Variants in ZFAT observed in about 807,000 individuals in gnomAD.
ZFAT encodes the protein zinc finger and AT-hook domain containing.
In ZFAT, 64 loss-of-function variants were observed where a neutral mutation model predicts 117.7. The observed-to-expected ratio is 0.54, with a 90% CI of 0.44 to 0.67. ZFAT has a LOEUF of 0.67. Among genes scored for constraint, ZFAT ranks in the 30% least tolerant of loss-of-function variants. The pLI is 0.00. For synonymous variants in ZFAT, 679 were observed against 615.0 expected (o/e 1.10, Z -1.54); for missense variants, 1,433 against 1,584.5 (o/e 0.90, Z 1.62).
rs1374810412 is a variant in ZFAT at position 134,478,829 on chromosome 8, C to G, written c.3493-108G>C. 4.9e-6 allele frequency: 7 copies of G among 1,438,510 alleles called. No individual in the cohort carries two copies. In the Admixed American group the frequency reaches 8.5e-5, roughly 17 times the overall value. The allele number at this position is 1,438,510 out of a possible 1,614,324, so 89.1% of individuals were successfully genotyped here. ...GAGGCACCAGTGCGCTGCGGGAGCA[C>G]GTCCATTCTCCACGGATCCTCTCTA... On this transcript the variant is annotated intron_variant, in intron 15 of 15. Coordinates refer to ENST00000377838, the MANE Select transcript of ZFAT (RefSeq NM_020863.4). This position sits in a 1 kb window ranked among gnomAD's most constrained non-coding sequence, Gnocchi z 5.2.
chr8:134,660,026 C>A (rs762258069), intron 1 of ZFAT, among the ~76,000 whole-genome samples: 3 of 152,178 alleles, frequency 2.0e-5, no homozygotes, highest in Non-Finnish European at 2.9e-5. Context: ...TTCCAGGAAA[C>A]GTTCTATTCC....
chr8:134,616,460 G>A (rs1828741946), intron 3 of ZFAT, among the ~76,000 whole-genome samples: 1 of 152,114 alleles, frequency 6.6e-6, no homozygotes, highest in Non-Finnish European at 1.5e-5. Flanking sequence ...ATGCCTCGAG[G>A]ACCCGACCTA....
At chr8:134,523,562 T>G (rs1321196794) in intron 12 of ZFAT, among the ~76,000 whole-genome samples, 3 of 152,206 alleles carry the variant, frequency 2.0e-5, no homozygotes, top group African/African-American at 7.2e-5. Context: ...CAACATGGTC[T>G]TTCGAAAACA....
intron 15 of ZFAT, among the ~76,000 whole-genome samples, chr8:134,508,209 C>T (rs1819553638): frequency 6.6e-6 from 1 of 152,180 alleles, no homozygotes; most frequent in Non-Finnish European, 1.5e-5. Context: ...CCTGAATGTA[C>T]TTACTAATTC....
chr8:134,812,495 C>T, the ZFAT span, among the ~76,000 whole-genome samples: 18 of 152,334 alleles, frequency 1.2e-4, no homozygotes, highest in Non-Finnish European at 2.1e-4. Flanking sequence ...CTTTGGGAGG[C>T]CAAGGCGGGC....
intron 7 of ZFAT, chr8:134,598,412 A>G (rs1170985388): frequency 6.6e-6 from 1 of 152,242 alleles, no homozygotes; most frequent in East Asian, 1.9e-4. Context: ...GAAGGAAGAT[A>G]ACCATAGAAA....
intron 11 of ZFAT, among the ~76,000 whole-genome samples, chr8:134,541,355 G>A (rs578036413): frequency 2.8e-4 from 42 of 152,240 alleles, no homozygotes; most frequent in Non-Finnish European, 4.4e-4. Flanking sequence ...ACTAGTACAC[G>A]AACACGCTCA....
At chr8:134,565,474 G>T in intron 10 of ZFAT, 53 bp from the exon 11 acceptor site, 1 of 1,525,470 alleles carries the variant, frequency 6.6e-7, no homozygotes, top group Non-Finnish European at 9.0e-7. Context: ...AGCTCCCACT[G>T]TGAATGAAGT....
Position 134,565,386 on chromosome 8 carries a change from C to A in ZFAT, c.2923G>T (p.Ala975Ser), listed in dbSNP as rs1824366256. ...QFKCTVCDYT[A>S]AQKPQLLRHM... Reference sequence around the variant, plus strand: ...CGCAGCAGCTGTGGCTTCTGGGCCGCTGTGTAGTCACACACCGTGCACTTA... The same window carrying A: ...CGCAGCAGCTGTGGCTTCTGGGCCGATGTGTAGTCACACACCGTGCACTTA... The change falls in exon 11 of 16, where the codon GCG (alanine) becomes TCG (serine). Residue 975 changes from alanine (A) to serine (S), a missense_variant. Ala to Ser is a moderately conservative substitution (Grantham distance 99). Around this residue, in one of 5 missense-constraint regions of ZFAT, gnomAD observed 503 missense variants for 543.4 expected, o/e 0.93. Coordinates refer to ENST00000377838, the MANE Select transcript of ZFAT (RefSeq NM_020863.4). The A allele has an allele frequency of 2.5e-6, 4 of 1,613,810 alleles. No individual in the cohort carries two copies. In the Admixed American group the frequency reaches 6.7e-5, roughly 27 times the overall value.
At chr8:134,616,890 A>C (rs550853681) in intron 3 of ZFAT, among the ~76,000 whole-genome samples, 1 of 152,342 alleles carries the variant, frequency 6.6e-6, no homozygotes, top group South Asian at 2.1e-4. Flanking sequence ...AAAATCACTC[A>C]TAAAAAATAA....
intron 11 of ZFAT, among the ~76,000 whole-genome samples, chr8:134,546,209 G>A (rs1822680207): frequency 6.6e-6 from 1 of 152,200 alleles, no homozygotes; most frequent in African/African-American, 2.4e-5. Flanking sequence ...AAGACCCAGT[G>A]ACAGGCCTAG....
At chr8:134,502,063 G>C (rs1358350388) in intron 15 of ZFAT, among the ~76,000 whole-genome samples, 1 of 152,206 alleles carries the variant, frequency 6.6e-6, no homozygotes, top group Non-Finnish European at 1.5e-5. Context: ...TAGAGCGCTT[G>C]TTTTTAAAAG....
At chr8:134,514,408 G>C (rs1820095369) in intron 13 of ZFAT, among the ~76,000 whole-genome samples, 1 of 152,196 alleles carries the variant, frequency 6.6e-6, no homozygotes, top group Admixed American at 6.5e-5. Context: ...ACTAATACTT[G>C]AAACACTAGG....
the ZFAT span, among the ~76,000 whole-genome samples, chr8:134,736,654 G>A: frequency 6.6e-6 from 1 of 151,998 alleles, no homozygotes; most frequent in Non-Finnish European, 1.5e-5. Context: ...GGAGTGCAGT[G>A]GTGCAATCAC....
chr8:134,818,148 T>C, the ZFAT span, among the ~76,000 whole-genome samples: 1 of 152,120 alleles, frequency 6.6e-6, no homozygotes, highest in Non-Finnish European at 1.5e-5. Flanking sequence ...AAATTAGATA[T>C]CAAAATTAAA....
intron 11 of ZFAT, among the ~76,000 whole-genome samples, chr8:134,534,775 A>AG (rs1821706312): frequency 4.4e-5 from 6 of 136,344 alleles, no homozygotes; most frequent in Admixed American, 1.5e-4. Context: ...GAGAGGGAGA[A>AG]AGAGAGAGAG....
chr8:134,621,642 C>T (rs1829112673), intron 3 of ZFAT, among the ~76,000 whole-genome samples: 2 of 152,168 alleles, frequency 1.3e-5, no homozygotes, highest in African/African-American at 4.8e-5. Context: ...ATTTTTTTAA[C>T]TGGCAGGAGC....
At chr8:134,783,220 G>A in the ZFAT span, among the ~76,000 whole-genome samples, 2 of 152,062 alleles carry the variant, frequency 1.3e-5, no homozygotes, top group African/African-American at 2.4e-5. Flanking sequence ...GCTGGGGTTG[G>A]CAAAAGTATT....
intron 15 of ZFAT, among the ~76,000 whole-genome samples, chr8:134,501,951 C>A (rs989980966): frequency 1.3e-5 from 2 of 152,168 alleles, no homozygotes; most frequent in Admixed American, 1.3e-4. Context: ...GATGGCCAGG[C>A]TCTCTTACAC....
Sources: gnomAD v4.1 joint callset for allele counts (sites outside exome capture counted in the v4.1 genomes callset) on GRCh38, gnomAD v4.1.1 for gene constraint, gnomAD v4.1.1 regional missense constraint, Gnocchi (gnomAD v3.1) non-coding constraint, MANE v1.5 for transcripts, NCBI Gene and HGNC (gene_info 2026-07-23, HGNC 2026-07-21) for gene names.